ALG8: variants seen among roughly 807,000 people sequenced by gnomAD.
ALG8 encodes ALG8 alpha-1,3-glucosyltransferase, also known as dolichyl pyrophosphate Glc1Man9GlcNAc2 alpha-1,3-glucosyltransferase.
Under a neutral mutation model 70.2 loss-of-function variants are expected in ALG8, and 48 were observed. The observed-to-expected ratio is 0.68, with a 90% CI of 0.54 to 0.87. ALG8 has a LOEUF of 0.87. Among genes scored for constraint, ALG8 ranks in the 40% least tolerant of loss-of-function variants. The pLI is 0.00. For synonymous variants in ALG8, 234 were observed against 229.0 expected (o/e 1.02, Z -0.20); for missense variants, 572 against 608.7 (o/e 0.94, Z 0.64).
intron 1 of ALG8, among the ~76,000 whole-genome samples, chr11:78,130,361 A>AAAAAAAAAAAAAAGAAAAGAAAG (rs928560857): frequency 8.3e-5 from 11 of 132,696 alleles, no homozygotes; most frequent in South Asian, 4.7e-4. Flanking sequence ...AAAAAAAAAA[A>AAAAAAAAAAAAAAGAAAAGAAAG]AAAAAAGGTG....
intron 5 of ALG8, among the ~76,000 whole-genome samples, chr11:78,117,770 T>G (rs1275005420): frequency 6.7e-6 from 1 of 148,168 alleles, no homozygotes; most frequent in African/African-American, 2.5e-5. Context: ...AGAGCAAGAC[T>G]CCAACTCTTA....
At chr11:78,138,543 C>T (rs1426233791) in intron 1 of ALG8, among the ~76,000 whole-genome samples, 1 of 152,054 alleles carries the variant, frequency 6.6e-6, no homozygotes, top group Non-Finnish European at 1.5e-5. Flanking sequence ...ATGACTCTCC[C>T]ATATTCAACA....
intron 1 of ALG8, among the ~76,000 whole-genome samples, chr11:78,132,191 G>C (rs1158856670): frequency 6.6e-6 from 1 of 152,176 alleles, no homozygotes; most frequent in African/African-American, 2.4e-5. Context: ...ATTCTAACCA[G>C]GGCAGTCTGA....
At chr11:78,124,340 C>G (rs1173449497) in intron 2 of ALG8, 126 bp from the exon 3 acceptor site, 1 of 910,830 alleles carries the variant, frequency 1.1e-6, no homozygotes, top group South Asian at 1.5e-5. Context: ...TGGTAGCTCA[C>G]ACCTGTAACC....
intron 6 of ALG8, 72 bp downstream of exon 6, chr11:78,114,194 T>G (rs986953385): frequency 6.3e-7 from 1 of 1,597,596 alleles, no homozygotes; most frequent in Non-Finnish European, 8.6e-7. Flanking sequence ...AACCTTCTTA[T>G]CAAGCAAGCC....
chr11:78,115,948 C>T (rs185707382), intron 5 of ALG8, among the ~76,000 whole-genome samples: 1 of 152,172 alleles, frequency 6.6e-6, no homozygotes, highest in Non-Finnish European at 1.5e-5. Context: ...CCAAAAAAAT[C>T]AATTGAATTT....
chr11:78,105,441 TA>T (rs1859977385), intron 10 of ALG8, among the ~76,000 whole-genome samples: 1 of 152,198 alleles, frequency 6.6e-6, no homozygotes, highest in Non-Finnish European at 1.5e-5. Flanking sequence ...GTCCTAACTC[TA>T]ATTCTTGCGA....
chr11:78,118,762 T>C (rs994546185), intron 5 of ALG8, among the ~76,000 whole-genome samples: 9 of 151,886 alleles, frequency 5.9e-5, no homozygotes, highest in African/African-American at 2.2e-4. Context: ...GGCAAGACCC[T>C]GTCTCTACTA....
chr11:78,128,955 G>A (rs953943830), intron 1 of ALG8, among the ~76,000 whole-genome samples: 4 of 151,844 alleles, frequency 2.6e-5, no homozygotes, highest in African/African-American at 9.7e-5. Context: ...TCTTTACTAA[G>A]TTGTGGAGAC....
chr11:78,114,017 C>G, intron 6 of ALG8, 28 bp from the exon 7 acceptor site: 2 of 1,561,352 alleles, frequency 1.3e-6, no homozygotes, highest in Non-Finnish European at 1.7e-6. Context: ...TATCAGTAAC[C>G]AGGAAGATGG....
chr11:78,120,113 A>T (rs1484575338), intron 4 of ALG8, among the ~76,000 whole-genome samples: 4 of 152,116 alleles, frequency 2.6e-5, no homozygotes, highest in African/African-American at 9.7e-5. Flanking sequence ...TTAAAAAAAA[A>T]AGAAAAGGAA....
chr11:78,106,504 G>GT (rs922629494), intron 10 of ALG8, among the ~76,000 whole-genome samples: 1 of 151,850 alleles, frequency 6.6e-6, no homozygotes, highest in Non-Finnish European at 1.5e-5. Flanking sequence ...GCCAGCCCAG[G>GT]TTTTTTCTAT....
chr11:78,118,983 A>G (rs111892103), intron 5 of ALG8, among the ~76,000 whole-genome samples, 199 bp downstream of exon 5: 1 of 152,200 alleles, frequency 6.6e-6, no homozygotes, highest in African/African-American at 2.4e-5. Flanking sequence ...TTGGAGTACA[A>G]TTGTCTCATC....
At chr11:78,136,963 G>A (rs1360839182) in intron 1 of ALG8, among the ~76,000 whole-genome samples, 1 of 151,076 alleles carries the variant, frequency 6.6e-6, no homozygotes, top group African/African-American at 2.4e-5. Flanking sequence ...GTGCAATAGC[G>A]CGATCTCAGC....
intron 1 of ALG8, chr11:78,138,600 C>G: frequency 2.4e-6 from 1 of 410,092 alleles, no homozygotes; most frequent in Non-Finnish European, 4.9e-6. Context: ...AAAACAAACC[C>G]TAAACTAGGA....
At chr11:78,104,637 A>T (rs2136877503) in intron 10 of ALG8, 184 bp from the exon 11 acceptor site, 1 of 580,408 alleles carries the variant, frequency 1.7e-6, no homozygotes, top group Non-Finnish European at 3.0e-6. Flanking sequence ...AATCAATAGC[A>T]TGTATCAAAC....
chr11:78,104,519 T>C, intron 10 of ALG8, 66 bp from the exon 11 acceptor site: 1 of 1,395,266 alleles, frequency 7.2e-7, no homozygotes, highest in East Asian at 2.5e-5. Context: ...TTAAATAAAC[T>C]GCATCTCCTA....
At chr11:78,116,481 A>G (rs1309466844) in intron 5 of ALG8, among the ~76,000 whole-genome samples, 1 of 152,158 alleles carries the variant, frequency 6.6e-6, no homozygotes, top group East Asian at 1.9e-4. Context: ...GCACTTTGAG[A>G]GGCTGAAGTG....
Position 78,139,535 on chromosome 11 carries a change from C to T in ALG8, c.54G>A (p.Ala18=), listed in dbSNP as rs760565291. ...TGTGNWFSAL[A]LGVTLLKCLL... ...GGCATTTGAGAAGAGTCACCCCGAGCGCCAAAGCCGAAAACCAATTGCCAG... is the reference window on the plus strand; with the variant it reads ...GGCATTTGAGAAGAGTCACCCCGAGTGCCAAAGCCGAAAACCAATTGCCAG... Residue 18 remains alanine, a synonymous_variant, in exon 1 of 13, where the codon GCG becomes GCA. Coordinates refer to ENST00000299626, the MANE Select transcript of ALG8 (RefSeq NM_024079.5). The T allele has an allele frequency of 9.6e-6, 15 of 1,564,252 alleles. No homozygotes were observed. Among genetic ancestry groups the T allele is most frequent in the Admixed American group, 5.7e-5 (3 of 52,714 alleles).
Sources: gnomAD v4.1 joint callset for allele counts (sites outside exome capture counted in the v4.1 genomes callset) on GRCh38, gnomAD v4.1.1 for gene constraint, MANE v1.5 for transcripts, NCBI Gene and HGNC (gene_info 2026-07-23, HGNC 2026-07-21) for gene names.